USP24: variants seen among roughly 807,000 people sequenced by gnomAD.
The protein encoded by USP24 is ubiquitin specific peptidase 24.
A neutral mutation model predicts 361.6 loss-of-function variants in USP24; 97 were observed. That is an observed-to-expected ratio of 0.27 (90% CI 0.23 to 0.32). USP24 has a LOEUF of 0.32. USP24 is among the 10% of genes least tolerant of loss of function. The probability of loss-of-function intolerance (pLI) is 1.00; values close to 1 mark genes in which losing one functional copy is unlikely to be tolerated. For missense variants in USP24, 2,353 were observed against 3,165.6 expected (o/e 0.74, Z 6.16); for synonymous variants, 1,098 against 1,124.6 (o/e 0.98, Z 0.47).
chr1:55,145,305 C>T (rs538669911), intron 20 of USP24, among the ~76,000 whole-genome samples: 2 of 152,134 alleles, frequency 1.3e-5, no homozygotes, highest in Non-Finnish European at 2.9e-5. Context: ...TATACCCACA[C>T]AGTGGAATAT....
intron 1 of USP24, among the ~76,000 whole-genome samples, chr1:55,205,535 C>T (rs1644683332): frequency 6.6e-6 from 1 of 152,016 alleles, no homozygotes; most frequent in African/African-American, 2.4e-5. Context: ...AAAATAGCTC[C>T]CAATGATGTG....
At chr1:55,156,853 TA>T in intron 12 of USP24, 94 bp downstream of exon 12, 3 of 848,356 alleles carry the variant, frequency 3.5e-6, no homozygotes, top group Non-Finnish European at 5.8e-6. Flanking sequence ...TAAAGCAAGA[TA>T]AAGTTTCCGT....
intron 38 of USP24, among the ~76,000 whole-genome samples, chr1:55,114,025 G>C (rs1039164513): frequency 6.6e-6 from 1 of 152,124 alleles, no homozygotes; most frequent in Non-Finnish European, 1.5e-5. Context: ...TCTTCTCTCA[G>C]GCCAAAATCT....
At chr1:55,111,984 AT>A (rs1645968578) in intron 38 of USP24, among the ~76,000 whole-genome samples, 1 of 152,118 alleles carries the variant, frequency 6.6e-6, no homozygotes, top group South Asian at 2.1e-4. Context: ...AACAGATAAA[AT>A]TATAACTATA....
intron 1 of USP24, among the ~76,000 whole-genome samples, chr1:55,192,100 A>G (rs79283517): frequency 0.011 from 1,649 of 152,324 alleles, 28 homozygotes; most frequent in African/African-American, 0.038. Flanking sequence ...ATCCTTGCAA[A>G]TGAGCTTTAA....
chr1:55,159,507 T>C (rs1166304822), intron 9 of USP24, 104 bp downstream of exon 9: 3 of 952,142 alleles, frequency 3.2e-6, no homozygotes, highest in Non-Finnish European at 4.8e-6. Context: ...TGAATGCATG[T>C]GACCAGAATT....
At chr1:55,122,436 T>G (rs1291070347) in intron 36 of USP24, among the ~76,000 whole-genome samples, 1 of 152,148 alleles carries the variant, frequency 6.6e-6, no homozygotes, top group African/African-American at 2.4e-5. Context: ...CTTGTAAAGA[T>G]TTGGCTTTTG....
At chr1:55,206,743 T>G (rs1250268549) in intron 1 of USP24, among the ~76,000 whole-genome samples, 1 of 149,780 alleles carries the variant, frequency 6.7e-6, no homozygotes, top group Non-Finnish European at 1.5e-5. Flanking sequence ...ATGAAAAATA[T>G]TTAGGATAAG....
chr1:55,107,682 A>C (rs1211131873), intron 39 of USP24, among the ~76,000 whole-genome samples: 1 of 151,774 alleles, frequency 6.6e-6, no homozygotes, highest in East Asian at 1.9e-4. Flanking sequence ...TCTCTACTAA[A>C]AATACAAAAA....
chr1:55,072,228 C>T (rs1025786095), intron 66 of USP24, 89 bp downstream of exon 66: 8 of 1,061,106 alleles, frequency 7.5e-6, no homozygotes, highest in African/African-American at 1.6e-5. Context: ...ACTCATACCT[C>T]TCTTCTCAGA....
At chr1:55,114,429 A>G (rs1211022548) in intron 38 of USP24, among the ~76,000 whole-genome samples, 1 of 152,236 alleles carries the variant, frequency 6.6e-6, no homozygotes, top group Non-Finnish European at 1.5e-5. Flanking sequence ...GAACCTGTAT[A>G]GCCAAGACAA....
At chr1:55,156,067 A>G (rs755468618) in intron 12 of USP24, among the ~76,000 whole-genome samples, 3 of 152,212 alleles carry the variant, frequency 2.0e-5, no homozygotes, top group Non-Finnish European at 4.4e-5. Context: ...TGACTGATAC[A>G]GTGACTAAGT....
chr1:55,214,981 G>A lies in USP24; in HGVS notation c.133C>T (p.Arg45Trp), dbSNP rs375697092. Reference sequence around the variant, plus strand: ...TAGCCGCCGTAGTCGAGGCCCGGCCGCTCGTTGGTGAGCAGTGCCACGGCC... The same window carrying A: ...TAGCCGCCGTAGTCGAGGCCCGGCCACTCGTTGGTGAGCAGTGCCACGGCC... Reference protein sequence around the residue: ...NEAVALLTNERPGLDYGGYEP... With the variant: ...NEAVALLTNEWPGLDYGGYEP... Residue 45 changes from arginine (R) to tryptophan (W), a missense_variant, in exon 1 of 68, where the codon CGG (arginine) becomes TGG (tryptophan). This residue lies in a region of USP24 where 253 missense variants were observed against 255.3 expected (regional missense o/e 0.99). Coordinates refer to ENST00000294383, the MANE Select transcript of USP24 (RefSeq NM_015306.3). The A allele has an allele frequency of 2.8e-6, 4 of 1,444,996 alleles. No individual in the cohort carries two copies. Among genetic ancestry groups the A allele is most frequent in the East Asian group, 3.0e-5 (1 of 32,938 alleles). The allele number at this position is 1,444,996 out of a possible 1,614,324, so 89.5% of individuals were successfully genotyped here. A position where few individuals can be genotyped will look rare whatever the true frequency, so the allele number is the denominator to read the frequency against.
At chr1:55,199,659 CA>C (rs1371661430) in intron 1 of USP24, among the ~76,000 whole-genome samples, 2 of 150,750 alleles carry the variant, frequency 1.3e-5, no homozygotes, top group Non-Finnish European at 2.9e-5. Flanking sequence ...GAAGCTAAAG[CA>C]AATGTGACAA....
At position 55,068,968 on chromosome 1, in the gene USP24, G is replaced by T. The variant is rs554312685; in HGVS notation, c.*77C>A. 2.0e-5 allele frequency: 30 copies of T among 1,503,832 alleles called. No homozygotes were observed. In the South Asian group the frequency reaches 3.1e-4, roughly 15 times the overall value. The allele number at this position is 1,503,832 out of a possible 1,614,324, so 93.2% of individuals were successfully genotyped here. A position where few individuals can be genotyped will look rare whatever the true frequency, so the allele number is the denominator to read the frequency against. ...TCCAATCTCCAGGCTCTTCCAAAGG[G>T]TTCGAGATTCTGATTCCAAGAAGGT... is the stretch of plus-strand genomic sequence containing the variant. On this transcript the variant is annotated 3_prime_UTR_variant, in exon 68 of 68. Coordinates refer to ENST00000294383, the MANE Select transcript of USP24 (RefSeq NM_015306.3).
chr1:55,099,936 C>A, intron 44 of USP24, 67 bp from the exon 45 acceptor site: 1 of 1,134,686 alleles, frequency 8.8e-7, no homozygotes, highest in Non-Finnish European at 1.3e-6. Context: ...AGAAAGGGAA[C>A]ATGAAAGAGC....
chr1:55,163,499 T>A (rs935247800), intron 7 of USP24, among the ~76,000 whole-genome samples: 2 of 151,998 alleles, frequency 1.3e-5, no homozygotes, highest in African/African-American at 4.8e-5. Context: ...AATAATCATA[T>A]GACAAAATGC....
At chr1:55,157,209 T>C (rs1647766621) in intron 11 of USP24, 47 bp downstream of exon 11, 1 of 1,400,152 alleles carries the variant, frequency 7.1e-7, no homozygotes, top group Admixed American at 2.1e-5. Flanking sequence ...AAAGATATAT[T>C]ATTTAAATTA....
chr1:55,158,909 T>C lies in USP24; in HGVS notation c.1196A>G (p.His399Arg), dbSNP rs1193835324. Residue 399 changes from histidine (H) to arginine (R), a missense_variant, in exon 10 of 68, where the codon CAT (histidine) becomes CGT (arginine). His to Arg is a conservative substitution (Grantham distance 29). Around this residue, in one of 8 missense-constraint regions of USP24, gnomAD observed 386 missense variants for 560.5 expected, o/e 0.69. Transcript: ENST00000294383. ...GAGAGAATTCATCTTAGCACTGAAA[T>C]GTGGTGATTTCAGCATGCGCAATAG... ...DILLRMLKSP[H>R]FSAKMNSLKE... The C allele has an allele frequency of 1.9e-6, 3 of 1,567,332 alleles. No individual in the cohort carries two copies. The highest frequency in any genetic ancestry group is 2.6e-6 in the Non-Finnish European group (3 of 1,153,954).
Sources: allele counts gnomAD v4.1 joint callset (sites outside exome capture counted in the v4.1 genomes callset), GRCh38; gene constraint gnomAD v4.1.1; regional missense constraint gnomAD v4.1.1; transcripts MANE v1.5; gene names NCBI Gene and HGNC (gene_info 2026-07-23, HGNC 2026-07-21).